NEK4: variants seen among roughly 807,000 people sequenced by gnomAD.
NEK4 encodes NIMA related kinase 4, also known as serine/threonine-protein kinase Nek4.
Under a neutral mutation model 98.4 loss-of-function variants are expected in NEK4, and 86 were observed. The ratio of observed to expected loss-of-function variants is 0.87; its 90% CI spans 0.73 to 1.05. The LOEUF (loss-of-function observed/expected upper bound fraction) is 1.05. Ranked by LOEUF, NEK4 falls within the 50% of genes least tolerant of loss-of-function variation. The pLI is 0.00. For synonymous variants in NEK4, 328 were observed against 342.2 expected (o/e 0.96, Z 0.46); for missense variants, 898 against 950.3 (o/e 0.94, Z 0.72).
chr3:52,738,732 G>A (rs953203082), intron 14 of NEK4, among the ~76,000 whole-genome samples: 8 of 152,014 alleles, frequency 5.3e-5, no homozygotes, highest in African/African-American at 9.7e-5. Context: ...ATGAGCCACC[G>A]TACCCAGCAG....
At chr3:52,722,029 T>C (rs56196917) in intron 15 of NEK4, among the ~76,000 whole-genome samples, 3,420 of 152,274 alleles carry the variant, frequency 0.022, 51 homozygotes, top group Non-Finnish European at 0.034. Context: ...TTGCTCGCCC[T>C]TTCCCAATTG....
Position 52,768,560 on chromosome 3 carries a change from C to T in NEK4, c.138G>A (p.Glu46=), listed in dbSNP as rs749607417. 4.3e-6 allele frequency: 7 copies of T among 1,614,118 alleles called. No homozygotes were observed. Among genetic ancestry groups the T allele is most frequent in the African/African-American group, 1.3e-5 (1 of 74,936 alleles). The change falls in exon 2 of 16, where the codon GAG becomes GAA. Residue 46 remains glutamate, a synonymous_variant. Transcript: ENST00000233027. ...GGGCTTCCTGTTCAGCAGCTCGCCG[C>T]TCTCGGCTAGAGGCATTTCGGAGGT... ...KLNLRNASSR[E]RRAAEQEAQL... is the part of the protein sequence containing the mutation.
intron 6 of NEK4, chr3:52,754,279 C>A (rs1239888443): frequency 9.1e-6 from 3 of 331,176 alleles, no homozygotes; most frequent in Non-Finnish European, 1.8e-5. Flanking sequence ...CTAGGTGATG[C>A]CACCTCAGAT....
chr3:52,740,899 T>A (rs1194285426), intron 13 of NEK4, among the ~76,000 whole-genome samples: 2 of 151,438 alleles, frequency 1.3e-5, no homozygotes, highest in Non-Finnish European at 2.9e-5. Context: ...GTAATTGGAA[T>A]CCCTAAGAGG....
At chr3:52,757,005 T>C (rs2097416235) in intron 6 of NEK4, among the ~76,000 whole-genome samples, 1 of 152,072 alleles carries the variant, frequency 6.6e-6, no homozygotes, top group Non-Finnish European at 1.5e-5. Context: ...AAATGCTCAA[T>C]ATAACTAATC....
At chr3:52,749,263 G>A (rs1415655733) in intron 8 of NEK4, among the ~76,000 whole-genome samples, 1 of 151,894 alleles carries the variant, frequency 6.6e-6, no homozygotes, top group Admixed American at 6.6e-5. Context: ...GTCCTGAGTA[G>A]CTGGAATTAC....
At chr3:52,749,052 A>C (rs563381624) in intron 8 of NEK4, among the ~76,000 whole-genome samples, 18 of 151,942 alleles carry the variant, frequency 1.2e-4, no homozygotes, top group African/African-American at 4.3e-4. Flanking sequence ...ACATCACTGC[A>C]CTCCAGCCTT....
At chr3:52,758,040 G>A (rs895087040) in intron 6 of NEK4, among the ~76,000 whole-genome samples, 4 of 151,980 alleles carry the variant, frequency 2.6e-5, no homozygotes, top group Non-Finnish European at 5.9e-5. Flanking sequence ...TTAGCCAGAT[G>A]TTGTGGCGTG....
rs530327220 is a variant in NEK4, at chr3:52,728,629, C to T, written c.2433+8957G>A. Reference sequence around the variant, plus strand: ...ACCTTGAAAAAGAACAGAATAACAGCGATTTTCAGGGAACAAGGGAAGACA... The same window carrying T: ...ACCTTGAAAAAGAACAGAATAACAGTGATTTTCAGGGAACAAGGGAAGACA... On this transcript the variant is annotated intron_variant, in intron 15 of 15. Coordinates refer to ENST00000233027, the MANE Select transcript of NEK4 (RefSeq NM_003157.6). Among the ~76,000 whole-genome samples, 5 of 152,182 alleles carry T rather than the reference C, an allele frequency of 3.3e-5. No individual in the cohort carries two copies. The South Asian group carries it at 6.2e-4, about 19-fold the overall frequency.
intron 15 of NEK4, among the ~76,000 whole-genome samples, chr3:52,731,235 A>G (rs187469220): frequency 6.6e-6 from 1 of 152,356 alleles, no homozygotes; most frequent in East Asian, 1.9e-4. Flanking sequence ...TAGAGTTACA[A>G]CAACAAAATT....
intron 15 of NEK4, among the ~76,000 whole-genome samples, chr3:52,730,193 G>A (rs1257163038): frequency 1.3e-5 from 2 of 152,132 alleles, no homozygotes; most frequent in Non-Finnish European, 2.9e-5. Context: ...AGATGAAATG[G>A]ACACATTCCT....
intron 6 of NEK4, among the ~76,000 whole-genome samples, chr3:52,758,150 G>A (rs1698201913): frequency 7.9e-6 from 1 of 126,042 alleles, no homozygotes; most frequent in Admixed American, 1.0e-4. Context: ...CTGCACTCCA[G>A]CCTGGGTGAC....
intron 15 of NEK4, among the ~76,000 whole-genome samples, chr3:52,718,731 G>A (rs976754546): frequency 5.3e-5 from 8 of 152,044 alleles, no homozygotes; most frequent in Non-Finnish European, 8.8e-5. Flanking sequence ...TCGCTTCCCC[G>A]CAACCCGCCA....
chr3:52,711,905 T>G (rs369429943), intron 15 of NEK4, 36 bp from the exon 16 acceptor site: 46 of 1,205,280 alleles, frequency 3.8e-5, no homozygotes, highest in Non-Finnish European at 4.9e-5. Flanking sequence ...AATCAGTATG[T>G]AGTAGGAAAA....
At chr3:52,720,326 CAAAA>C (rs1010550001) in intron 15 of NEK4, among the ~76,000 whole-genome samples, 1 of 144,842 alleles carries the variant, frequency 6.9e-6, no homozygotes, top group Non-Finnish European at 1.5e-5. Context: ...GACTCTGTCT[CAAAA>C]AAAAGAAAGA....
intron 4 of NEK4, among the ~76,000 whole-genome samples, chr3:52,765,563 T>C (rs1698528477): frequency 6.6e-6 from 1 of 152,194 alleles, no homozygotes. Context: ...TAAATGTAGC[T>C]CATTGAATCA....
At position 52,711,103 on chromosome 3, in the gene NEK4, A is replaced by G. The variant is rs2097349933; in HGVS notation, c.*674T>C. 2 of 152,660 alleles carry G rather than the reference A, an allele frequency of 1.3e-5. No individual in the cohort carries two copies. The highest frequency in any genetic ancestry group is 2.4e-5 in the African/African-American group (1 of 41,468). The allele number at this position is 152,660 out of a possible 1,614,324, so 9.5% of individuals were successfully genotyped here. A position where few individuals can be genotyped will look rare whatever the true frequency, so the allele number is the denominator to read the frequency against. Reference sequence around the variant, plus strand: ...AATGTTTTCACTGATGGAAAAATAAATCTAACAAAACCATTATGTAAAAAC... The same window carrying G: ...AATGTTTTCACTGATGGAAAAATAAGTCTAACAAAACCATTATGTAAAAAC... On this transcript the variant is annotated 3_prime_UTR_variant, in exon 16 of 16. Coordinates refer to ENST00000233027, the MANE Select transcript of NEK4 (RefSeq NM_003157.6).
rs1468811457 is a variant in NEK4 at position 52,770,741 on chromosome 3, G to T, written c.6C>A (p.Pro2=). The T allele has an allele frequency of 7.7e-6, 12 of 1,566,230 alleles. No homozygotes were observed. In the East Asian group the frequency reaches 2.8e-4, roughly 37 times the overall value. The change falls in exon 1 of 16, where the codon CCC becomes CCA. Residue 2 remains proline, a synonymous_variant. Coordinates refer to ENST00000233027, the MANE Select transcript of NEK4 (RefSeq NM_003157.6). ...CCCGCAGGTAGCAGTAGGCGGCCAG[G>T]GGCATGTTCCCAGCGCTGGCCCAGA... M[P]LAAYCYLRVV...
chr3:52,730,863 G>T (rs539679952), intron 15 of NEK4, among the ~76,000 whole-genome samples: 2 of 152,138 alleles, frequency 1.3e-5, no homozygotes, highest in African/African-American at 4.8e-5. Flanking sequence ...TAGATGGGTG[G>T]TTGCCAGGGG....
Sources: gnomAD v4.1 joint callset for allele counts (sites outside exome capture counted in the v4.1 genomes callset) on GRCh38, gnomAD v4.1.1 for gene constraint, MANE v1.5 for transcripts, NCBI Gene and HGNC (gene_info 2026-07-23, HGNC 2026-07-21) for gene names.